The following BCAS4 variants were observed in gnomAD, a reference collection of about 807,000 sequenced individuals.
BCAS4 encodes the protein breast carcinoma amplified sequence 4.
In BCAS4, 9 loss-of-function variants were observed where a neutral mutation model predicts 15.7. The ratio of observed to expected loss-of-function variants is 0.57; its 90% CI spans 0.34 to 1.00. The LOEUF (loss-of-function observed/expected upper bound fraction) is 1.00, where lower values mean the gene tolerates loss of function less well. Ranked by LOEUF, BCAS4 falls within the 50% of genes least tolerant of loss-of-function variation. The pLI is 0.02. For synonymous variants in BCAS4, 101 were observed against 99.5 expected (o/e 1.02, Z -0.09); for missense variants, 225 against 239.1 (o/e 0.94, Z 0.39).
intron 2 of BCAS4, among the ~76,000 whole-genome samples, chr20:50,828,889 GC>G (rs2088310044): frequency 6.6e-6 from 1 of 152,150 alleles, no homozygotes; most frequent in Non-Finnish European, 1.5e-5. Context: ...ATCAGAAGCC[GC>G]CTCCACACTC....
chr20:50,809,229 GAC>G (rs1352035202), intron 1 of BCAS4, among the ~76,000 whole-genome samples: 2 of 150,818 alleles, frequency 1.3e-5, no homozygotes, highest in East Asian at 3.9e-4. Flanking sequence ...AATTTTTTGA[GAC>G]AGAGTTTCAC....
chr20:50,812,257 C>T (rs192136336), intron 1 of BCAS4, among the ~76,000 whole-genome samples: 11 of 151,676 alleles, frequency 7.3e-5, no homozygotes, highest in Non-Finnish European at 1.2e-4. Flanking sequence ...CTCAGCCTCC[C>T]GAGTAGCTGG....
chr20:50,855,296 C>T (rs1978696848), intron 4 of BCAS4, among the ~76,000 whole-genome samples: 1 of 152,196 alleles, frequency 6.6e-6, no homozygotes, highest in Non-Finnish European at 1.5e-5. Context: ...CTGTCTCTAT[C>T]TTTGTGTCAC....
intron 2 of BCAS4, among the ~76,000 whole-genome samples, chr20:50,819,472 G>T (rs2088186537): frequency 6.6e-6 from 1 of 152,152 alleles, no homozygotes; most frequent in African/African-American, 2.4e-5. Context: ...GACCCTGAGA[G>T]TGTTTGTGAG....
At chr20:50,841,004 A>G (rs1034660050) in intron 3 of BCAS4, 5 of 417,900 alleles carry the variant, frequency 1.2e-5, no homozygotes, top group African/African-American at 1.0e-4. Flanking sequence ...TACTTTTTGT[A>G]TTTTTAGCAG....
rs1184228241 is a variant in BCAS4, at chr20:50,800,631, A to G, written c.90+5458A>G. 2.1e-5 allele frequency among the ~76,000 whole-genome samples: 3 copies of G among 139,664 alleles called. No homozygotes were observed. In the Admixed American group the frequency reaches 2.4e-4, roughly 11 times the overall value. The allele number at this position is 139,664 out of a possible 152,430, so 91.6% of individuals were successfully genotyped here. A position where few individuals can be genotyped will look rare whatever the true frequency, so the allele number is the denominator to read the frequency against. ...GGCTGGAGTGCAGTGGCGCAAACTCAGCTCACTGCAACCTCCGCCTCCTGG... is the reference window on the plus strand; with the variant it reads ...GGCTGGAGTGCAGTGGCGCAAACTCGGCTCACTGCAACCTCCGCCTCCTGG... On this transcript the variant is annotated intron_variant, in intron 1 of 4. Coordinates refer to ENST00000371608, the MANE Select transcript of BCAS4 (RefSeq NM_198799.4).
At chr20:50,800,463 C>T (rs1390728228) in intron 1 of BCAS4, among the ~76,000 whole-genome samples, 1 of 151,870 alleles carries the variant, frequency 6.6e-6, no homozygotes, top group African/African-American at 2.4e-5. Context: ...AGGGGCGGTG[C>T]CTTGAGCTGG....
intron 4 of BCAS4, among the ~76,000 whole-genome samples, chr20:50,850,206 C>T (rs942061917): frequency 2.0e-5 from 3 of 152,234 alleles, no homozygotes; most frequent in East Asian, 1.9e-4. Flanking sequence ...CTACTGTATA[C>T]GAAGGGCTTT....
intron 4 of BCAS4, among the ~76,000 whole-genome samples, chr20:50,858,268 T>C (rs928846254): frequency 6.6e-6 from 1 of 152,200 alleles, no homozygotes; most frequent in African/African-American, 2.4e-5. Flanking sequence ...TCCTTCCATA[T>C]ACTCTAAATC....
chr20:50,817,987 G>T (rs954111345), intron 1 of BCAS4, among the ~76,000 whole-genome samples: 3 of 152,210 alleles, frequency 2.0e-5, no homozygotes, highest in Non-Finnish European at 2.9e-5. Flanking sequence ...TTTGAAAGCT[G>T]CATAGAATGG....
At chr20:50,801,317 TTG>T (rs1361610556) in intron 1 of BCAS4, among the ~76,000 whole-genome samples, 6 of 151,956 alleles carry the variant, frequency 3.9e-5, no homozygotes, top group Non-Finnish European at 2.9e-5. Context: ...TCCCAGGTAG[TTG>T]TGTGGCTGAG....
At position 50,876,487 on chromosome 20, in the gene BCAS4, A is replaced by G. The variant is rs1193044604; in HGVS notation, c.401A>G (p.Lys134Arg). Residue 134 changes from lysine (K) to arginine (R), a missense_variant and splice_region_variant, in exon 5 of 5, where the codon AAG becomes AGG. Transcript: ENST00000371608. ...GSAGLPSFRN[K>R]SPAPVPVTYE... is the part of the protein sequence containing the mutation. ...GAGCTTCATTTCTTGTCATTCCAGA[A>G]GTCACCTGCACCGGTGCCCGTGACG... The G allele has an allele frequency of 6.2e-7, 1 of 1,612,826 alleles. No individual in the cohort carries two copies. The highest frequency in any genetic ancestry group is 1.7e-5 in the Admixed American group (1 of 59,668).
chr20:50,802,548 C>G (rs1007402883), intron 1 of BCAS4, among the ~76,000 whole-genome samples: 2 of 152,190 alleles, frequency 1.3e-5, no homozygotes, highest in Non-Finnish European at 2.9e-5. Context: ...CCCATCCGGC[C>G]CAGCTTCAGC....
At chr20:50,809,824 C>T (rs1308160988) in intron 1 of BCAS4, among the ~76,000 whole-genome samples, 1 of 152,144 alleles carries the variant, frequency 6.6e-6, no homozygotes, top group Non-Finnish European at 1.5e-5. Flanking sequence ...CTTTCACCTC[C>T]TGGGTTAGGT....
intron 3 of BCAS4, 116 bp from the exon 4 acceptor site, chr20:50,841,650 A>C: frequency 7.0e-7 from 1 of 1,419,580 alleles, no homozygotes; most frequent in South Asian, 1.3e-5. Flanking sequence ...GCCCCATTGG[A>C]GGGAGGCTGG....
At chr20:50,816,054 C>T (rs1373809848) in intron 1 of BCAS4, among the ~76,000 whole-genome samples, 1 of 152,142 alleles carries the variant, frequency 6.6e-6, no homozygotes, top group African/African-American at 2.4e-5. Flanking sequence ...GAAGACAGAT[C>T]TTGCTCTGTC....
intron 2 of BCAS4, among the ~76,000 whole-genome samples, chr20:50,824,754 C>A (rs2088258214): frequency 6.6e-6 from 1 of 152,198 alleles, no homozygotes; most frequent in South Asian, 2.1e-4. Context: ...TGCCACTCAG[C>A]TCCAGCTGAT....
chr20:50,843,232 C>A (rs1267105516), intron 4 of BCAS4, among the ~76,000 whole-genome samples: 1 of 152,206 alleles, frequency 6.6e-6, no homozygotes, highest in Non-Finnish European at 1.5e-5. Flanking sequence ...GCTGAGATTA[C>A]AGGCATGAGC....
At chr20:50,867,838 C>T (rs754869614) in intron 4 of BCAS4, among the ~76,000 whole-genome samples, 3 of 152,122 alleles carry the variant, frequency 2.0e-5, no homozygotes, top group Non-Finnish European at 2.9e-5. Flanking sequence ...CATTTGAACC[C>T]GGGAGGCAGA....
Sources: allele counts gnomAD v4.1 joint callset (sites outside exome capture counted in the v4.1 genomes callset), GRCh38; gene constraint gnomAD v4.1.1; transcripts MANE v1.5; gene names NCBI Gene and HGNC (gene_info 2026-07-23, HGNC 2026-07-21).